TRPC6: variants seen among roughly 807,000 people sequenced by gnomAD.
TRPC6 encodes transient receptor potential cation channel subfamily C member 6.
A neutral mutation model predicts 90.7 loss-of-function variants in TRPC6; 55 were observed. That is an observed-to-expected ratio of 0.61 (90% CI 0.49 to 0.76). The LOEUF is 0.76. Among genes scored for constraint, TRPC6 ranks in the 30% least tolerant of loss-of-function variants. The pLI, the probability that TRPC6 is intolerant of heterozygous loss-of-function variation, is 0.00. For missense variants in TRPC6, 989 were observed against 1,122.7 expected (o/e 0.88, Z 1.70); for synonymous variants, 393 against 393.0 (o/e 1.00, Z 0.00).
intron 1 of TRPC6, among the ~76,000 whole-genome samples, chr11:101,567,470 C>T (rs183696972): frequency 6.6e-6 from 1 of 152,242 alleles, no homozygotes; most frequent in African/African-American, 2.4e-5. Flanking sequence ...TGCCAGGCAG[C>T]TCTGAAGAGA....
chr11:101,494,466 GATCT>G (rs1859897615), intron 2 of TRPC6, among the ~76,000 whole-genome samples: 1 of 152,150 alleles, frequency 6.6e-6, no homozygotes, highest in Non-Finnish European at 1.5e-5. Flanking sequence ...TCAAAGAGAA[GATCT>G]GGAAACAGGC....
At chr11:101,480,041 G>T (rs1345443009) in intron 5 of TRPC6, among the ~76,000 whole-genome samples, 1 of 152,060 alleles carries the variant, frequency 6.6e-6, no homozygotes, top group Non-Finnish European at 1.5e-5. Context: ...AGCCAGGCGT[G>T]ATAGCTCATG....
chr11:101,489,039 A>T lies in TRPC6; in HGVS notation c.1191T>A (p.Gly397=). The change falls in exon 4 of 13, where the codon GGT becomes GGA. Residue 397 remains glycine, a synonymous_variant. Transcript: ENST00000344327. Reference sequence around the variant, plus strand: ...TGACCGCCATTGTCTGCTGTCGTAAACCAGAAAGATTCTCATACCAAATGG... The same window carrying T: ...TGACCGCCATTGTCTGCTGTCGTAATCCAGAAAGATTCTCATACCAAATGG... ...LLSIWYENLS[G]LRQQTMAVKF... is the part of the protein sequence containing the mutation. The T allele has an allele frequency of 6.2e-7, 1 of 1,614,182 alleles. No individual in the cohort carries two copies. Among genetic ancestry groups the T allele is most frequent in the Non-Finnish European group, 8.5e-7 (1 of 1,180,006 alleles).
At chr11:101,569,789 A>C (rs1275792642) in intron 1 of TRPC6, among the ~76,000 whole-genome samples, 5 of 152,238 alleles carry the variant, frequency 3.3e-5, no homozygotes, top group African/African-American at 1.2e-4. Flanking sequence ...TAACAAAATT[A>C]AGGCAAAAAT....
At chr11:101,582,920 C>A (rs915971950) in intron 1 of TRPC6, among the ~76,000 whole-genome samples, 3 of 152,064 alleles carry the variant, frequency 2.0e-5, no homozygotes, top group Non-Finnish European at 4.4e-5. Context: ...ATCTCTCCCC[C>A]ACATAGGCTA....
At chr11:101,554,794 ATCT>A (rs1297771128) in intron 1 of TRPC6, among the ~76,000 whole-genome samples, 2 of 152,212 alleles carry the variant, frequency 1.3e-5, no homozygotes, top group Non-Finnish European at 2.9e-5. Flanking sequence ...ATAGCAGCTG[ATCT>A]TCTTTCAAAG....
intron 10 of TRPC6, among the ~76,000 whole-genome samples, chr11:101,464,236 G>A (rs1859084812): frequency 6.6e-6 from 1 of 152,180 alleles, no homozygotes; most frequent in South Asian, 2.1e-4. Flanking sequence ...TTTAGAATAA[G>A]TGCAATGTGG....
chr11:101,573,944 G>A (rs1395350386), intron 1 of TRPC6, among the ~76,000 whole-genome samples: 3 of 130,086 alleles, frequency 2.3e-5, no homozygotes, highest in South Asian at 2.4e-4. Flanking sequence ...GTGTGTGTGT[G>A]TGTGTGTGTG....
chr11:101,470,600 C>T (rs1053021535), intron 9 of TRPC6, among the ~76,000 whole-genome samples: 9 of 152,264 alleles, frequency 5.9e-5, no homozygotes, highest in African/African-American at 1.9e-4. Context: ...ATGCTGTGAT[C>T]GCCCTACTGC....
chr11:101,491,832 CATTCTT>C, intron 2 of TRPC6, 94 bp from the exon 3 acceptor site: 3 of 568,380 alleles, frequency 5.3e-6, no homozygotes, highest in Non-Finnish European at 5.3e-6. Flanking sequence ...TTAAGAGAAA[CATTCTT>C]TTTTTTTTTT....
At chr11:101,573,586 C>G (rs940194330) in intron 1 of TRPC6, among the ~76,000 whole-genome samples, 1 of 152,172 alleles carries the variant, frequency 6.6e-6, no homozygotes, top group African/African-American at 2.4e-5. Flanking sequence ...AGCTTTTGGA[C>G]AGATCATAAA....
chr11:101,471,290 G>T lies in TRPC6; in HGVS notation c.2302C>A (p.Pro768Thr). 1 of 1,613,948 alleles carries T rather than the reference G, an allele frequency of 6.2e-7. No homozygotes were observed. The highest frequency in any genetic ancestry group is 1.1e-5 in the South Asian group (1 of 91,070). The change falls in exon 9 of 13, where the codon CCG becomes ACG. Residue 768 changes from proline (P) to threonine (T), a missense_variant. Physicochemically the swap from Pro to Thr is conservative, Grantham distance 38. Around this residue, in one of 4 missense-constraint regions of TRPC6, gnomAD observed 191 missense variants for 196.7 expected, o/e 0.97. Transcript: ENST00000344327. The part of the protein sequence containing the change: ...RTLPVPFNLV[P>T]SPKSLFYLLL... ...AGATAAAACAGGGACTTTGGACTCG[G>T]CACCAGATTGAAGGGTACAGGAAGT...
intron 1 of TRPC6, among the ~76,000 whole-genome samples, chr11:101,552,465 T>TTTG (rs1319992002): frequency 6.6e-6 from 1 of 152,134 alleles, no homozygotes; most frequent in Non-Finnish European, 1.5e-5. Flanking sequence ...CCAGAAAGTA[T>TTTG]TTGTACCAAA....
At chr11:101,482,528 C>T (rs1859575550) in intron 5 of TRPC6, among the ~76,000 whole-genome samples, 1 of 152,134 alleles carries the variant, frequency 6.6e-6, no homozygotes, top group Non-Finnish European at 1.5e-5. Flanking sequence ...ATATAAAGTG[C>T]TTGGAATAAT....
chr11:101,539,272 C>T (rs1327185053), intron 1 of TRPC6, among the ~76,000 whole-genome samples: 1 of 152,194 alleles, frequency 6.6e-6, no homozygotes, highest in Non-Finnish European at 1.5e-5. Flanking sequence ...AACTCTGAGG[C>T]TAGACTGCTC....
chr11:101,518,961 T>C (rs1457935785), intron 1 of TRPC6, among the ~76,000 whole-genome samples: 2 of 152,204 alleles, frequency 1.3e-5, no homozygotes, highest in Admixed American at 1.3e-4. Context: ...CTTTGCATGT[T>C]CTCACTCATC....
At chr11:101,536,784 T>C (rs533102885) in intron 1 of TRPC6, among the ~76,000 whole-genome samples, 2 of 152,218 alleles carry the variant, frequency 1.3e-5, no homozygotes, top group African/African-American at 4.8e-5. Context: ...GGGATGTCAT[T>C]GATGAGTTTA....
At chr11:101,506,687 T>C (rs1157057595) in intron 1 of TRPC6, among the ~76,000 whole-genome samples, 1 of 152,136 alleles carries the variant, frequency 6.6e-6, no homozygotes, top group African/African-American at 2.4e-5. Context: ...ATTTCTAAAA[T>C]GGGTCATTAG....
intron 1 of TRPC6, among the ~76,000 whole-genome samples, chr11:101,507,006 A>AC (rs1860285275): frequency 2.3e-5 from 3 of 131,074 alleles, no homozygotes; most frequent in African/African-American, 8.6e-5. Flanking sequence ...CTCTCTCTCT[A>AC]ACACACACAC....
Sources: gnomAD v4.1 joint callset for allele counts (sites outside exome capture counted in the v4.1 genomes callset) on GRCh38, gnomAD v4.1.1 for gene constraint, gnomAD v4.1.1 regional missense constraint, MANE v1.5 for transcripts, NCBI Gene and HGNC (gene_info 2026-07-23, HGNC 2026-07-21) for gene names.